The following ITGA6 variants were observed in gnomAD, a reference collection of about 807,000 sequenced individuals.
The protein encoded by ITGA6 is integrin subunit alpha 6.
In ITGA6, 63 loss-of-function variants were observed where a neutral mutation model predicts 133.6. The ratio of observed to expected loss-of-function variants is 0.47; its 90% confidence interval spans 0.38 to 0.58. The LOEUF (loss-of-function observed/expected upper bound fraction) is 0.58. ITGA6 is among the 20% of genes least tolerant of loss of function. The pLI is 0.00. For synonymous variants in ITGA6, 434 were observed against 482.0 expected (o/e 0.90, Z 1.30); for missense variants, 1,068 against 1,309.4 (o/e 0.82, Z 2.85).
chr2:172,469,037 C>T (rs1685801937), intron 3 of ITGA6, 88 bp from the exon 4 acceptor site: 3 of 1,378,338 alleles, frequency 2.2e-6, no homozygotes, highest in Non-Finnish European at 3.1e-6. Context: ...TAGAATTAAC[C>T]TCTGTATTGA....
At chr2:172,467,440 T>C (rs1245361350) in intron 2 of ITGA6, 41 bp from the exon 3 acceptor site, 1 of 1,481,214 alleles carries the variant, frequency 6.8e-7, no homozygotes, top group South Asian at 1.1e-5. Context: ...GTTTCTAGCA[T>C]GTGCAGTCAC....
At chr2:172,494,365 A>C (rs910372618) in intron 23 of ITGA6, among the ~76,000 whole-genome samples, 2 of 152,086 alleles carry the variant, frequency 1.3e-5, no homozygotes, top group African/African-American at 2.4e-5. Flanking sequence ...GAAATTAGCC[A>C]GGTGGGGTGG....
At chr2:172,435,594 A>T (rs746298701) in intron 1 of ITGA6, among the ~76,000 whole-genome samples, 48 of 150,506 alleles carry the variant, frequency 3.2e-4, no homozygotes, top group Non-Finnish European at 6.1e-4. Context: ...TTGCCACGAC[A>T]CAAAACCCAA....
At chr2:172,444,865 C>G (rs986103010) in intron 1 of ITGA6, among the ~76,000 whole-genome samples, 1 of 152,032 alleles carries the variant, frequency 6.6e-6, no homozygotes, top group Non-Finnish European at 1.5e-5. Context: ...AATTGGTTCC[C>G]AAGCCATACT....
At chr2:172,493,839 C>T (rs1285017761) in intron 23 of ITGA6, among the ~76,000 whole-genome samples, 1 of 152,218 alleles carries the variant, frequency 6.6e-6, no homozygotes, top group African/African-American at 2.4e-5. Flanking sequence ...GATGATGGAA[C>T]TCTGGGGGCC....
chr2:172,442,809 TAAAG>T lies in ITGA6; in HGVS notation c.182+14841_182+14844del, dbSNP rs1684598050. Among the ~76,000 whole-genome samples the T allele has an allele frequency of 1.1e-4, 16 of 152,170 alleles. 1 individual carries two copies. In the South Asian group the frequency reaches 3.3e-3, roughly 32 times the overall value. Reference sequence around the variant, plus strand: ...GACTCTTTGCCAGCAACTGCCCACATAAAGAGAGCATGTGTGAGCTTGTTTTATG... The same window carrying T: ...GACTCTTTGCCAGCAACTGCCCACATAGAGCATGTGTGAGCTTGTTTTATG... On this transcript the variant is annotated intron_variant, in intron 1 of 25. Coordinates refer to ENST00000684293, the MANE Select transcript of ITGA6 (RefSeq NM_000210.4).
At chr2:172,476,035 T>A (rs1686160200) in intron 8 of ITGA6, among the ~76,000 whole-genome samples, 1 of 152,156 alleles carries the variant, frequency 6.6e-6, no homozygotes, top group Non-Finnish European at 1.5e-5. Context: ...TAAATGACTG[T>A]AACTACATGG....
chr2:172,444,723 G>A (rs1054102545), intron 1 of ITGA6, among the ~76,000 whole-genome samples: 4 of 146,658 alleles, frequency 2.7e-5, no homozygotes, highest in African/African-American at 1.0e-4. Context: ...TCCCTGGCCA[G>A]TTTTCACATA....
intron 9 of ITGA6, among the ~76,000 whole-genome samples, chr2:172,479,052 T>C (rs1686304859): frequency 6.6e-6 from 1 of 152,182 alleles, no homozygotes; most frequent in Non-Finnish European, 1.5e-5. Flanking sequence ...TAAACTCAAG[T>C]GTGTGCACAG....
At chr2:172,473,931 G>A in intron 5 of ITGA6, 124 bp from the exon 6 acceptor site, 1 of 652,546 alleles carries the variant, frequency 1.5e-6, no homozygotes, top group Non-Finnish European at 2.7e-6. Flanking sequence ...GTGATAGCTG[G>A]TGGGAGGGTC....
In ITGA6 at chr2:172,446,496, A is replaced by G. The variant is rs140584563; in HGVS notation, c.182+18526A>G. The stretch of plus-strand genomic sequence containing the variant: ...GAATTAATGATAAAACTTTATTCCC[A>G]TAACAGAAATTTACTAAGCATCTAC... On this transcript the variant is annotated intron_variant, in intron 1 of 25. Transcript: ENST00000684293. 1.5e-3 allele frequency among the ~76,000 whole-genome samples: 225 copies of G among 152,360 alleles called. 1 individual carries two copies. The highest frequency in any genetic ancestry group is 2.3e-3 in the Non-Finnish European group (157 of 68,028).
At chr2:172,490,915 G>A (rs1686894637) in intron 20 of ITGA6, 109 bp from the exon 21 acceptor site, 1 of 746,812 alleles carries the variant, frequency 1.3e-6, no homozygotes, top group South Asian at 1.5e-5. Flanking sequence ...GGCAAATATT[G>A]TTGATTATGT....
Position 172,504,419 on chromosome 2 carries a change from G to C in ITGA6, c.*351G>C, listed in dbSNP as rs1256483642. On this transcript the variant is annotated 3_prime_UTR_variant, in exon 26 of 26. Coordinates refer to ENST00000684293, the MANE Select transcript of ITGA6 (RefSeq NM_000210.4). ...TGTGGATATTGTTACGTAGCCTAAGGCTCCTGTTTTGCACAGCCAAATTTA... is the reference window on the plus strand; with the variant it reads ...TGTGGATATTGTTACGTAGCCTAAGCCTCCTGTTTTGCACAGCCAAATTTA... 8.3e-6 allele frequency: 4 copies of C among 482,572 alleles called. No individual in the cohort carries two copies. The highest frequency in any genetic ancestry group is 1.5e-5 in the Non-Finnish European group (4 of 275,068). The allele number at this position is 482,572 out of a possible 1,614,324, so 29.9% of individuals were successfully genotyped here.
intron 20 of ITGA6, among the ~76,000 whole-genome samples, chr2:172,490,394 G>A (rs1249493329): frequency 6.6e-6 from 1 of 152,198 alleles, no homozygotes. Context: ...ATGAAGGTTT[G>A]CATGTTTATT....
chr2:172,486,322 A>G (rs559915920), intron 13 of ITGA6, among the ~76,000 whole-genome samples: 5 of 152,220 alleles, frequency 3.3e-5, no homozygotes, highest in East Asian at 3.9e-4. Context: ...CATATTGTCA[A>G]TCATTTTTGT....
intron 23 of ITGA6, among the ~76,000 whole-genome samples, chr2:172,495,935 C>G (rs1687109302): frequency 6.6e-6 from 1 of 152,220 alleles, no homozygotes; most frequent in Non-Finnish European, 1.5e-5. Flanking sequence ...TGCCGAAGAC[C>G]AGTTTCCACT....
intron 1 of ITGA6, among the ~76,000 whole-genome samples, chr2:172,456,148 C>T (rs1029848019): frequency 6.6e-6 from 1 of 152,190 alleles, no homozygotes; most frequent in African/African-American, 2.4e-5. Flanking sequence ...AGGCACTTCC[C>T]CCTGCAGCCA....
At chr2:172,443,156 T>C (rs1441748783) in intron 1 of ITGA6, among the ~76,000 whole-genome samples, 1 of 152,232 alleles carries the variant, frequency 6.6e-6, no homozygotes, top group South Asian at 2.1e-4. Context: ...AGCAAATATG[T>C]ACATAGATTT....
chr2:172,438,926 G>A (rs1446703523), intron 1 of ITGA6, among the ~76,000 whole-genome samples: 3 of 151,970 alleles, frequency 2.0e-5, no homozygotes, highest in African/African-American at 7.2e-5. Context: ...AGAAGGAAGA[G>A]AAGATGGCAG....
Sources: gnomAD v4.1 joint callset for allele counts (sites outside exome capture counted in the v4.1 genomes callset) on GRCh38, gnomAD v4.1.1 for gene constraint, MANE v1.5 for transcripts, NCBI Gene and HGNC (gene_info 2026-07-23, HGNC 2026-07-21) for gene names.